NPAS3: variants seen among roughly 807,000 people sequenced by gnomAD.
The protein encoded by NPAS3 is neuronal PAS domain protein 3, also known as neuronal PAS domain-containing protein 3.
NPAS3 carries 14 observed loss-of-function variants against 73.1 expected under a neutral mutation model. The ratio of observed to expected loss-of-function variants is 0.19; its 90% CI spans 0.13 to 0.30. The LOEUF (loss-of-function observed/expected upper bound fraction) is 0.30, where lower values mean the gene tolerates loss of function less well. Among genes scored for constraint, NPAS3 ranks in the 10% least tolerant of loss-of-function variants. The pLI, the probability that NPAS3 is intolerant of heterozygous loss-of-function variation, is 1.00. For synonymous variants in NPAS3, 620 were observed against 541.5 expected (o/e 1.14, Z -2.01); for missense variants, 1,096 against 1,250.0 (o/e 0.88, Z 1.86).
chr14:33,590,840 C>CTCAT (rs1344887498), intron 5 of NPAS3, among the ~76,000 whole-genome samples: 1 of 152,202 alleles, frequency 6.6e-6, no homozygotes, highest in Non-Finnish European at 1.5e-5. Flanking sequence ...ATTGCTTTCG[C>CTCAT]TCATTCATTC....
At chr14:33,568,976 T>C (rs1299192797) in intron 5 of NPAS3, among the ~76,000 whole-genome samples, 2 of 152,238 alleles carry the variant, frequency 1.3e-5, no homozygotes, top group African/African-American at 4.8e-5. Flanking sequence ...TTAAAGTATC[T>C]TTTGATGCAT....
intron 2 of NPAS3, among the ~76,000 whole-genome samples, chr14:33,138,031 G>T (rs1419698035): frequency 6.7e-6 from 1 of 150,072 alleles, no homozygotes; most frequent in African/African-American, 2.5e-5. Context: ...ATCTTGTGGA[G>T]AATTGGACAT....
chr14:33,607,194 A>G (rs1210121110), intron 5 of NPAS3, among the ~76,000 whole-genome samples: 1 of 152,236 alleles, frequency 6.6e-6, no homozygotes, highest in Non-Finnish European at 1.5e-5. Flanking sequence ...ATGAAAGCAT[A>G]TGTCTACACA....
chr14:33,684,177 A>G (rs1404890590), intron 6 of NPAS3, among the ~76,000 whole-genome samples: 2 of 151,978 alleles, frequency 1.3e-5, no homozygotes, highest in African/African-American at 4.8e-5. Flanking sequence ...TTCTGAAGTT[A>G]AGAGAGAAAC....
intron 4 of NPAS3, among the ~76,000 whole-genome samples, chr14:33,495,305 C>T (rs1339054961): frequency 6.6e-6 from 1 of 152,052 alleles, no homozygotes; most frequent in Admixed American, 6.6e-5. Flanking sequence ...GTTTCTTAAT[C>T]CTGAGTTCTA....
chr14:33,536,314 T>A (rs1021151468), intron 4 of NPAS3, among the ~76,000 whole-genome samples: 2 of 152,236 alleles, frequency 1.3e-5, no homozygotes, highest in African/African-American at 4.8e-5. Context: ...TTATTATTTG[T>A]TAAAAACCAT....
intron 2 of NPAS3, among the ~76,000 whole-genome samples, chr14:33,080,020 T>C (rs1358095523): frequency 6.6e-6 from 1 of 152,198 alleles, no homozygotes; most frequent in Non-Finnish European, 1.5e-5. Context: ...TTCTCACCCA[T>C]AAGAAAGTTA....
At chr14:32,980,222 T>C (rs2037842139) in intron 1 of NPAS3, among the ~76,000 whole-genome samples, 1 of 152,166 alleles carries the variant, frequency 6.6e-6, no homozygotes, top group African/African-American at 2.4e-5. Flanking sequence ...CATTCCAAAG[T>C]TGTTTGGGGT....
intron 2 of NPAS3, among the ~76,000 whole-genome samples, chr14:33,090,008 T>C (rs564231633): frequency 1.3e-5 from 2 of 152,194 alleles, no homozygotes; most frequent in South Asian, 2.1e-4. Context: ...GCACTAAACA[T>C]GGAAAGGAAC....
intron 5 of NPAS3, among the ~76,000 whole-genome samples, chr14:33,648,305 T>C (rs908189226): frequency 3.3e-5 from 5 of 152,200 alleles, no homozygotes; most frequent in Admixed American, 2.0e-4. Context: ...CAAGCTGACT[T>C]TAGGTCCATT....
At position 33,104,475 on chromosome 14, in the gene NPAS3, A is replaced by G. The variant is rs1424827179; in HGVS notation, c.140+48481A>G. Among the ~76,000 whole-genome samples, 4 of 152,330 alleles carry G rather than the reference A, an allele frequency of 2.6e-5. No individual in the cohort carries two copies. In the East Asian group the frequency reaches 7.7e-4, roughly 29 times the overall value. ...TATATAGTGAACTTGTCAAAAAGAA[A>G]CTACAAATTTCTTCTGTGGCTTTTT... On this transcript the variant is annotated intron_variant, in intron 2 of 11. Transcript: ENST00000356141.
At chr14:33,732,233 GCA>G (rs143767826) in intron 6 of NPAS3, among the ~76,000 whole-genome samples, 9 of 151,472 alleles carry the variant, frequency 5.9e-5, no homozygotes, top group African/African-American at 1.7e-4. Context: ...GCATGTGCAC[GCA>G]CACACACACA....
At chr14:33,675,944 C>A (rs570322478) in intron 5 of NPAS3, among the ~76,000 whole-genome samples, 1 of 150,622 alleles carries the variant, frequency 6.6e-6, no homozygotes, top group South Asian at 2.1e-4. Context: ...CCACATTTCA[C>A]AGAATGTTTG....
chr14:33,052,218 CTT>C, intron 1 of NPAS3, among the ~76,000 whole-genome samples: 2 of 152,278 alleles, frequency 1.3e-5, no homozygotes, highest in East Asian at 3.9e-4. Context: ...TCAGAAATGT[CTT>C]TAAAGGATGG....
At chr14:33,241,604 A>T (rs1195896445) in intron 3 of NPAS3, among the ~76,000 whole-genome samples, 1 of 152,030 alleles carries the variant, frequency 6.6e-6, no homozygotes, top group Non-Finnish European at 1.5e-5. Flanking sequence ...AATGTCCTTA[A>T]TAATCTTGTT....
At chr14:33,710,175 A>T (rs1260684484) in intron 6 of NPAS3, among the ~76,000 whole-genome samples, 1 of 152,244 alleles carries the variant, frequency 6.6e-6, no homozygotes, top group Non-Finnish European at 1.5e-5. Flanking sequence ...CAACTTTCAG[A>T]CTTTGGTGGC....
chr14:33,723,169 C>CA (rs1196206458), intron 6 of NPAS3, among the ~76,000 whole-genome samples: 1 of 152,124 alleles, frequency 6.6e-6, no homozygotes, highest in African/African-American at 2.4e-5. Flanking sequence ...TAGTACCTTC[C>CA]AGTGACAAAG....
At chr14:33,596,715 G>C (rs912744551) in intron 5 of NPAS3, among the ~76,000 whole-genome samples, 1 of 152,198 alleles carries the variant, frequency 6.6e-6, no homozygotes, top group Non-Finnish European at 1.5e-5. Context: ...CACCACTGCT[G>C]TTTCTTTTCA....
At chr14:33,146,094 G>A (rs2044228402) in intron 2 of NPAS3, among the ~76,000 whole-genome samples, 1 of 152,074 alleles carries the variant, frequency 6.6e-6, no homozygotes, top group African/African-American at 2.4e-5. Flanking sequence ...TATAGATTAT[G>A]CCTCTCAAAA....
Sources: allele counts gnomAD v4.1 joint callset (sites outside exome capture counted in the v4.1 genomes callset), GRCh38; gene constraint gnomAD v4.1.1; transcripts MANE v1.5; gene names NCBI Gene and HGNC (gene_info 2026-07-23, HGNC 2026-07-21).